PLCE1: variants seen among roughly 807,000 people sequenced by gnomAD.
PLCE1 encodes 1-phosphatidylinositol 4,5-bisphosphate phosphodiesterase epsilon-1.
A neutral mutation model predicts 242.8 loss-of-function variants in PLCE1; 119 were observed. That is an observed-to-expected ratio of 0.49 (90% confidence interval 0.42 to 0.57). The LOEUF (loss-of-function observed/expected upper bound fraction) is 0.57. Ranked by LOEUF, PLCE1 falls within the 20% of genes least tolerant of loss-of-function variation. The pLI is 0.00. For missense variants in PLCE1, 2,441 were observed against 2,788.8 expected, an observed-to-expected ratio of 0.88 and a Z score of 2.81; for synonymous variants, 945 against 1,017.4, an observed-to-expected ratio of 0.93 and a Z score of 1.35.
intron 20 of PLCE1, among the ~76,000 whole-genome samples, chr10:94,281,252 C>T (rs1193127562): frequency 6.6e-6 from 1 of 152,116 alleles, no homozygotes; most frequent in East Asian, 1.9e-4. Context: ...TCATATGCCC[C>T]TATAAGTAGT....
At chr10:94,015,119 C>T (rs1006520909) in intron 1 of PLCE1, among the ~76,000 whole-genome samples, 1 of 152,216 alleles carries the variant, frequency 6.6e-6, no homozygotes, top group African/African-American at 2.4e-5. Context: ...ACATACCTCA[C>T]CGCAGTTCCT....
At position 94,306,437 on chromosome 10, in the gene PLCE1, G is replaced by T; in HGVS notation, c.5633G>T (p.Gly1878Val). ...PAVYSLTIVS[G>V]QNVCPSNSMG... The stretch of plus-strand genomic sequence containing the variant: ...TCTCCCTCACCCTAGATTGTCTCTG[G>T]TCAGAATGTGTGCCCCAGTAATAGC... The change falls in exon 26 of 33, where the codon GGT becomes GTT. Residue 1878 changes from glycine (G) to valine (V), a missense_variant. Transcript: ENST00000371380. The surrounding 1 kb of genome is among the most constrained non-coding windows in gnomAD (Gnocchi z 5.7). The T allele has an allele frequency of 6.2e-7, 1 of 1,614,002 alleles. No homozygotes were observed. Among genetic ancestry groups the T allele is most frequent in the Non-Finnish European group, 8.5e-7 (1 of 1,179,994 alleles).
intron 23 of PLCE1, among the ~76,000 whole-genome samples, chr10:94,296,898 G>A (rs2052843292): frequency 6.6e-6 from 1 of 150,858 alleles, no homozygotes; most frequent in Non-Finnish European, 1.5e-5. Context: ...TTTTGAGGCA[G>A]AGTCTCACCC....
chr10:94,015,371 T>A (rs2061258178), intron 1 of PLCE1, among the ~76,000 whole-genome samples: 1 of 152,174 alleles, frequency 6.6e-6, no homozygotes, highest in South Asian at 2.1e-4. Context: ...ACTGAGAGGG[T>A]AGAATGCTTT....
chr10:94,077,075 T>C (rs1305328627), intron 2 of PLCE1, among the ~76,000 whole-genome samples: 1 of 152,218 alleles, frequency 6.6e-6, no homozygotes, highest in Non-Finnish European at 1.5e-5. Flanking sequence ...ATTATATATC[T>C]CATCGAAATA....
intron 3 of PLCE1, among the ~76,000 whole-genome samples, chr10:94,141,403 G>A (rs2046949046): frequency 6.6e-6 from 1 of 151,916 alleles, no homozygotes; most frequent in East Asian, 1.9e-4. Flanking sequence ...GCTTATGAAA[G>A]GAACAAATTA....
intron 1 of PLCE1, among the ~76,000 whole-genome samples, chr10:94,015,071 A>G (rs1038582023): frequency 3.3e-5 from 5 of 152,212 alleles, no homozygotes; most frequent in Non-Finnish European, 7.3e-5. Context: ...TCAAAACCTC[A>G]GTTTTCTTAT....
At chr10:94,157,556 G>A (rs1298781713) in intron 3 of PLCE1, among the ~76,000 whole-genome samples, 2 of 152,218 alleles carry the variant, frequency 1.3e-5, no homozygotes, top group East Asian at 1.9e-4. Context: ...CAGTAAGGGA[G>A]GCAGTAGAGT....
intron 4 of PLCE1, among the ~76,000 whole-genome samples, chr10:94,173,848 A>G (rs1429113887): frequency 1.3e-5 from 2 of 152,232 alleles, no homozygotes; most frequent in Non-Finnish European, 2.9e-5. Flanking sequence ...CATACAAATT[A>G]TGGGTATGCT....
chr10:94,207,122 C>G (rs1407855884), intron 4 of PLCE1, among the ~76,000 whole-genome samples: 10 of 152,140 alleles, frequency 6.6e-5, no homozygotes, highest in Admixed American at 6.5e-4. Flanking sequence ...TCCCTCTTCC[C>G]TTTGTTTCTC....
chr10:94,154,042 T>C lies in PLCE1; in HGVS notation c.1493-17138T>C, dbSNP rs561082150. ...AGGGAACCCAGAATAGCCAAAATAATTTTTTTAAAGATTTCTTATTTCAAA... is the reference window on the plus strand; with the variant it reads ...AGGGAACCCAGAATAGCCAAAATAACTTTTTTAAAGATTTCTTATTTCAAA... On this transcript the variant is annotated intron_variant, in intron 3 of 32. Transcript: ENST00000371380. Among the ~76,000 whole-genome samples, 117 of 152,258 alleles carry C rather than the reference T, an allele frequency of 7.7e-4. 1 individual carries two copies. The highest frequency in any genetic ancestry group is 3.4e-3 in the Middle Eastern group (1 of 294).
chr10:94,129,608 G>T lies in PLCE1; in HGVS notation c.1207-2566G>T, dbSNP rs544780344. 3.7e-4 allele frequency among the ~76,000 whole-genome samples: 57 copies of T among 152,314 alleles called. 1 individual carries two copies. In the South Asian group the frequency reaches 0.012, roughly 32 times the overall value. The stretch of plus-strand genomic sequence containing the variant: ...TGGAGACTGGAATGCACATGGTAGT[G>T]AGCAAATGCACAATGAGCCAGCGCA... On this transcript the variant is annotated intron_variant, in intron 2 of 32. Transcript: ENST00000371380.
chr10:94,241,926 C>A (rs935361126), intron 7 of PLCE1, among the ~76,000 whole-genome samples: 4 of 152,078 alleles, frequency 2.6e-5, no homozygotes, highest in African/African-American at 7.2e-5. Context: ...CCAAGACAGG[C>A]GCTGTGCTAA....
intron 30 of PLCE1, 38 bp from the exon 31 acceptor site, chr10:94,324,309 TTC>T (rs1417916846): frequency 4.7e-6 from 7 of 1,491,490 alleles, no homozygotes; most frequent in Non-Finnish European, 6.6e-6. Context: ...ATGTTGGAGA[TTC>T]TGTGTCTTTA....
Position 94,313,241 on chromosome 10 carries a change from A to G in PLCE1, c.6004-13A>G, listed in dbSNP as rs761798778. On this transcript the variant is annotated splice_polypyrimidine_tract_variant and intron_variant, in intron 27 of 32. Coordinates refer to ENST00000371380, the MANE Select transcript of PLCE1 (RefSeq NM_016341.4). ...TTACGGATGAATGATCAGCCATGTG[A>G]TCTTCTTGACAGATGTTTAATACAG... is the stretch of plus-strand genomic sequence containing the variant. 1 of 1,613,880 alleles carries G rather than the reference A, an allele frequency of 6.2e-7. No individual in the cohort carries two copies. The highest frequency in any genetic ancestry group is 8.5e-7 in the Non-Finnish European group (1 of 1,179,872).
At chr10:94,099,171 A>G (rs1026451065) in intron 2 of PLCE1, among the ~76,000 whole-genome samples, 3 of 152,234 alleles carry the variant, frequency 2.0e-5, no homozygotes, top group African/African-American at 7.2e-5. Context: ...TGAACAAGTC[A>G]CTTTATATTT....
At position 94,328,994 on chromosome 10, in the gene PLCE1, T is replaced by C. The variant is rs1473492876; in HGVS notation, c.*1051T>C. On this transcript the variant is annotated 3_prime_UTR_variant, in exon 33 of 33. Transcript: ENST00000371380. ...GGCGTTTAAATTTATTTTGCAAGGT[T>C]TGTACTGACACTATACTTATATATT... is the stretch of plus-strand genomic sequence containing the variant. 1.3e-5 allele frequency: 2 copies of C among 152,234 alleles called. No individual in the cohort carries two copies. The highest frequency in any genetic ancestry group is 4.8e-5 in the African/African-American group (2 of 41,470). 9.4% of individuals were successfully genotyped at this position (152,234 alleles called of 1,614,324 possible). A position where few individuals can be genotyped will look rare whatever the true frequency, so the allele number is the denominator to read the frequency against.
chr10:94,323,011 C>T (rs947832839), intron 30 of PLCE1, among the ~76,000 whole-genome samples: 3 of 152,164 alleles, frequency 2.0e-5, no homozygotes, highest in Non-Finnish European at 2.9e-5. Context: ...TTCATTCCTT[C>T]AACAGACACT....
chr10:94,073,870 A>G (rs943364585), intron 2 of PLCE1, among the ~76,000 whole-genome samples: 2 of 152,202 alleles, frequency 1.3e-5, no homozygotes, highest in African/African-American at 4.8e-5. Flanking sequence ...CAGCTCCTGG[A>G]CTGACAAAAA....
Sources: allele counts gnomAD v4.1 joint callset (sites outside exome capture counted in the v4.1 genomes callset), GRCh38; gene constraint gnomAD v4.1.1; non-coding constraint Gnocchi (gnomAD v3.1); transcripts MANE v1.5; gene names NCBI Gene and HGNC (gene_info 2026-07-23, HGNC 2026-07-21).